Variants in PLPPR1 observed in about 807,000 individuals in gnomAD.
The protein encoded by PLPPR1 is phospholipid phosphatase related 1, also known as phospholipid phosphatase-related protein type 1.
A neutral mutation model predicts 33.1 loss-of-function variants in PLPPR1; 10 were observed. That is an observed-to-expected ratio of 0.30 (90% CI 0.19 to 0.51). The LOEUF (loss-of-function observed/expected upper bound fraction) is 0.51. PLPPR1 is among the 20% of genes least tolerant of loss of function. PLPPR1 has a pLI of 0.97. For synonymous variants in PLPPR1, 151 were observed against 151.0 expected, an observed-to-expected ratio of 1.00 and a Z score of 0.00; for missense variants, 304 against 408.1, an observed-to-expected ratio of 0.74 and a Z score of 2.20.
intron 1 of PLPPR1, among the ~76,000 whole-genome samples, chr9:101,029,702 G>T (rs569837763): frequency 5.9e-5 from 9 of 152,302 alleles, no homozygotes; most frequent in African/African-American, 2.2e-4. Flanking sequence ...TGCCAAAGGC[G>T]CCGGGGTGAG....
At chr9:101,218,503 T>C (rs2118782955) in intron 2 of PLPPR1, among the ~76,000 whole-genome samples, 1 of 152,286 alleles carries the variant, frequency 6.6e-6, no homozygotes, top group African/African-American at 2.4e-5. Context: ...TTTATTTTTC[T>C]ACAAAATAGA....
At chr9:101,271,152 A>G (rs1179241707) in intron 3 of PLPPR1, among the ~76,000 whole-genome samples, 1 of 152,206 alleles carries the variant, frequency 6.6e-6, no homozygotes, top group Non-Finnish European at 1.5e-5. Context: ...GACTAAGATC[A>G]GCATTGATGA....
intron 1 of PLPPR1, among the ~76,000 whole-genome samples, chr9:101,043,372 T>A (rs1473226735): frequency 6.6e-6 from 1 of 151,498 alleles, no homozygotes; most frequent in African/African-American, 2.4e-5. Flanking sequence ...TATATACATA[T>A]GTATATACGT....
At position 101,264,329 on chromosome 9, in the gene PLPPR1, T is replaced by G. The variant is rs575394929; in HGVS notation, c.64-5551T>G. On this transcript the variant is annotated intron_variant, in intron 2 of 7. Coordinates refer to ENST00000374874, the MANE Select transcript of PLPPR1 (RefSeq NM_207299.2). The stretch of plus-strand genomic sequence containing the variant: ...CTCGCTTTATGGAATTGAATATCTA[T>G]ATTGATGGAGCTGGGCCAAAACCAA... 3.9e-5 allele frequency among the ~76,000 whole-genome samples: 6 copies of G among 152,232 alleles called. No homozygotes were observed. In the South Asian group the frequency reaches 1.2e-3, roughly 32 times the overall value.
intron 2 of PLPPR1, among the ~76,000 whole-genome samples, chr9:101,202,249 G>A (rs555926094): frequency 3.3e-5 from 5 of 152,306 alleles, no homozygotes; most frequent in South Asian, 2.1e-4. Flanking sequence ...ACTGCTTAGC[G>A]TATTTGAGAA....
At chr9:101,207,194 A>G (rs1826604897) in intron 2 of PLPPR1, among the ~76,000 whole-genome samples, 1 of 152,188 alleles carries the variant, frequency 6.6e-6, no homozygotes, top group Non-Finnish European at 1.5e-5. Context: ...ATATTGGCTC[A>G]GGGAATGAGT....
chr9:101,030,084 G>A (rs928836629), intron 1 of PLPPR1, among the ~76,000 whole-genome samples: 2 of 151,806 alleles, frequency 1.3e-5, no homozygotes, highest in Non-Finnish European at 2.9e-5. Context: ...ATATCTCTTC[G>A]GCCCGACGGA....
At chr9:101,141,989 T>C (rs1338698495) in intron 1 of PLPPR1, among the ~76,000 whole-genome samples, 1 of 152,176 alleles carries the variant, frequency 6.6e-6, no homozygotes, top group Non-Finnish European at 1.5e-5. Context: ...TTGGGCCCAA[T>C]TGGTTCTCCC....
intron 3 of PLPPR1, among the ~76,000 whole-genome samples, chr9:101,272,626 TGA>T (rs1305422533): frequency 1.3e-5 from 2 of 152,066 alleles, no homozygotes; most frequent in Non-Finnish European, 2.9e-5. Context: ...AAAATCAAAA[TGA>T]GAGAGGACAA....
intron 1 of PLPPR1, among the ~76,000 whole-genome samples, chr9:101,119,060 G>A (rs191757620): frequency 1.6e-4 from 25 of 152,264 alleles, no homozygotes; most frequent in African/African-American, 6.0e-4. Flanking sequence ...TCAAGCCCCT[G>A]GGAATGGGCC....
intron 4 of PLPPR1, 87 bp from the exon 5 acceptor site, chr9:101,309,124 T>C: frequency 7.3e-7 from 1 of 1,369,096 alleles, no homozygotes; most frequent in Non-Finnish European, 1.0e-6. Flanking sequence ...TAGGTCATCA[T>C]GGACTCTCAC....
chr9:101,150,893 C>T (rs573501329), intron 1 of PLPPR1, among the ~76,000 whole-genome samples: 14 of 152,084 alleles, frequency 9.2e-5, no homozygotes, highest in Non-Finnish European at 1.3e-4. Flanking sequence ...CAGTGGCTCT[C>T]GTTCTCGGTG....
intron 1 of PLPPR1, among the ~76,000 whole-genome samples, chr9:101,140,718 A>G (rs1407503603): frequency 1.3e-5 from 2 of 152,196 alleles, no homozygotes; most frequent in East Asian, 3.9e-4. Flanking sequence ...ATAACCAATT[A>G]CTTACAATGG....
In PLPPR1 at chr9:101,113,696, C is replaced by G. The variant is rs73656145; in HGVS notation, c.-45-71754C>G. Among the ~76,000 whole-genome samples the G allele has an allele frequency of 2.7e-3, 414 of 152,202 alleles. 1 individual carries two copies. Among genetic ancestry groups the G allele is most frequent in the African/African-American group, 9.4e-3 (392 of 41,536 alleles). ...GTCTATTTTGCCACTGAAGCTTTTTCACATGCAAAAAACCAAACAACAACA... is the reference window on the plus strand; with the variant it reads ...GTCTATTTTGCCACTGAAGCTTTTTGACATGCAAAAAACCAAACAACAACA... On this transcript the variant is annotated intron_variant, in intron 1 of 7. Transcript: ENST00000374874.
intron 1 of PLPPR1, among the ~76,000 whole-genome samples, chr9:101,040,918 A>C (rs1830069835): frequency 6.6e-6 from 1 of 152,198 alleles, no homozygotes; most frequent in South Asian, 2.1e-4. Context: ...AAATGAACAA[A>C]AGAAAAAAAA....
At chr9:101,219,538 G>A (rs1826882166) in intron 2 of PLPPR1, among the ~76,000 whole-genome samples, 1 of 152,108 alleles carries the variant, frequency 6.6e-6, no homozygotes, top group Admixed American at 6.5e-5. Flanking sequence ...AGATGTATGT[G>A]TATAATGTTT....
At chr9:101,240,934 A>G (rs1313485389) in intron 2 of PLPPR1, among the ~76,000 whole-genome samples, 4 of 152,084 alleles carry the variant, frequency 2.6e-5, no homozygotes, top group Admixed American at 6.6e-5. Flanking sequence ...TAGGTAGCCA[A>G]TAATGAAGGC....
intron 2 of PLPPR1, among the ~76,000 whole-genome samples, chr9:101,221,407 T>A (rs963636896): frequency 6.6e-6 from 1 of 152,224 alleles, no homozygotes; most frequent in Non-Finnish European, 1.5e-5. Context: ...GGTCCTACCC[T>A]GCTCTTTGGA....
chr9:101,048,322 G>A (rs1483212364), intron 1 of PLPPR1, among the ~76,000 whole-genome samples: 1 of 152,128 alleles, frequency 6.6e-6, no homozygotes, highest in African/African-American at 2.4e-5. Flanking sequence ...GAAGACAAAA[G>A]GCATAGACAT....
Sources: gnomAD v4.1 joint callset for allele counts (sites outside exome capture counted in the v4.1 genomes callset) on GRCh38, gnomAD v4.1.1 for gene constraint, MANE v1.5 for transcripts, NCBI Gene and HGNC (gene_info 2026-07-23, HGNC 2026-07-21) for gene names.